PRSS36: variants seen among roughly 807,000 people sequenced by gnomAD.
PRSS36 encodes the protein serine protease 36, also known as polyserase-2.
PRSS36 carries 90 observed loss-of-function variants against 94.3 expected under a neutral mutation model. The ratio of observed to expected loss-of-function variants is 0.95; its 90% CI spans 0.80 to 1.14. The LOEUF is 1.14. PRSS36 is among the 50% of genes most tolerant of loss of function. The probability of loss-of-function intolerance (pLI) is 0.00; values close to 1 mark genes in which losing one functional copy is unlikely to be tolerated. For synonymous variants in PRSS36, 500 were observed against 489.6 expected (o/e 1.02, Z -0.28); for missense variants, 1,158 against 1,135.0 (o/e 1.02, Z -0.29).
chr16:31,140,035 C>CA (rs1161626897), intron 14 of PRSS36, among the ~76,000 whole-genome samples: 2 of 148,714 alleles, frequency 1.3e-5, no homozygotes, highest in South Asian at 2.1e-4. Context: ...ACTAAAAATA[C>CA]AAAAAATTAG....
chr16:31,145,970 A>G lies in PRSS36; in HGVS notation c.554-15T>C. 6.2e-7 allele frequency: 1 copy of G among 1,604,210 alleles called. No individual in the cohort carries two copies. The highest frequency in any genetic ancestry group is 8.5e-7 in the Non-Finnish European group (1 of 1,175,326). On this transcript the variant is annotated splice_polypyrimidine_tract_variant and intron_variant, in intron 5 of 14. Transcript: ENST00000268281. The stretch of plus-strand genomic sequence containing the variant: ...AGGCAGAGGATCTGGAGGCAGAACC[A>G]GAGAGCAGGTGCTGTGAGGCAGGTA...
chr16:31,148,349 A>G, intron 5 of PRSS36, 46 bp downstream of exon 5: 1 of 1,486,974 alleles, frequency 6.7e-7, no homozygotes, highest in Non-Finnish European at 8.9e-7. Context: ...CACCTCTCGA[A>G]GCCCCACCTC....
chr16:31,142,408 C>G lies in PRSS36; in HGVS notation c.1521+73G>C, dbSNP rs556149202. On this transcript the variant is annotated intron_variant, in intron 10 of 14. Coordinates refer to ENST00000268281, the MANE Select transcript of PRSS36 (RefSeq NM_173502.5). ...CTCCCTAGAGCCCACTTGGACTCGC[C>G]TTCCACAGGCCCCGCCCTCTTCCTA... 7 of 1,386,220 alleles carry G rather than the reference C, an allele frequency of 5.0e-6. 1 individual carries two copies. In the South Asian group the frequency reaches 6.4e-5, roughly 13 times the overall value. 85.9% of individuals were successfully genotyped at this position (1,386,220 alleles called of 1,614,324 possible).
At chr16:31,148,927 T>C (rs1422266309) in intron 4 of PRSS36, 146 bp downstream of exon 4, 1 of 1,037,102 alleles carries the variant, frequency 9.6e-7, no homozygotes, top group African/African-American at 1.6e-5. Context: ...CTCGGAACCA[T>C]GATGCCTCGA....
At chr16:31,148,020 G>A (rs1266940249) in intron 5 of PRSS36, among the ~76,000 whole-genome samples, 1 of 152,152 alleles carries the variant, frequency 6.6e-6, no homozygotes, top group African/African-American at 2.4e-5. Flanking sequence ...ACCACCCCTT[G>A]AAGTGGGTAT....
At position 31,143,083 on chromosome 16, in the gene PRSS36, C is replaced by T. The variant is rs1005948390; in HGVS notation, c.1101-90G>A. On this transcript the variant is annotated intron_variant, in intron 8 of 14. Coordinates refer to ENST00000268281, the MANE Select transcript of PRSS36 (RefSeq NM_173502.5). ...CGGCTTAGACTTGCCAGGCGAGGATCCTGCATCCTGGCGGGATCCCCACGA... is the reference window on the plus strand; with the variant it reads ...CGGCTTAGACTTGCCAGGCGAGGATTCTGCATCCTGGCGGGATCCCCACGA... The T allele has an allele frequency of 5.8e-6, 8 of 1,382,418 alleles. No individual in the cohort carries two copies. The African/African-American group carries it at 1.0e-4, about 18-fold the overall frequency. The allele number at this position is 1,382,418 out of a possible 1,614,324, so 85.6% of individuals were successfully genotyped here. A position where few individuals can be genotyped will look rare whatever the true frequency, so the allele number is the denominator to read the frequency against.
intron 8 of PRSS36, 101 bp downstream of exon 8, chr16:31,143,241 G>A: frequency 1.4e-6 from 2 of 1,478,294 alleles, no homozygotes; most frequent in Non-Finnish European, 1.8e-6. Flanking sequence ...ATGGGACCCC[G>A]CCCCCCCCAC....
rs552399379 is a variant in PRSS36 at position 31,142,990 on chromosome 16, C to T, written c.1104G>A (p.Pro368=). 28 of 1,389,562 alleles carry T rather than the reference C, an allele frequency of 2.0e-5. No individual in the cohort carries two copies. The highest frequency in any genetic ancestry group is 2.5e-5 in the Non-Finnish European group (27 of 1,076,300). The allele number at this position is 1,389,562 out of a possible 1,614,324, so 86.1% of individuals were successfully genotyped here. A position where few individuals can be genotyped will look rare whatever the true frequency, so the allele number is the denominator to read the frequency against. ...CGCGGGGTGGGCTGTCGGAGCTGTT[C>T]GGGCTGCGGGATGGGGGCCGAGGGA... ...VLAPASCFLD[P]NSSDSPPRDL... The change falls in exon 9 of 15, where the codon CCG becomes CCA. Residue 368 remains proline, a synonymous_variant. Coordinates refer to ENST00000268281, the MANE Select transcript of PRSS36 (RefSeq NM_173502.5).
At chr16:31,143,981 G>A (rs2057759714) in intron 6 of PRSS36, 144 bp from the exon 7 acceptor site, 1 of 1,047,666 alleles carries the variant, frequency 9.5e-7, no homozygotes, top group Non-Finnish European at 1.4e-6. Flanking sequence ...TGCATTCCCT[G>A]CGGCTCTAAA....
chr16:31,145,106 A>G (rs926376489), intron 6 of PRSS36, among the ~76,000 whole-genome samples: 5 of 151,526 alleles, frequency 3.3e-5, no homozygotes, highest in African/African-American at 7.3e-5. Context: ...GCGGTGGCTC[A>G]CTCCTGTAAT....
At position 31,148,489 on chromosome 16, in the gene PRSS36, G is replaced by A. The variant is rs561935518; in HGVS notation, c.459C>T (p.Pro153=). Residue 153 remains proline (P), a synonymous_variant, in exon 5 of 15, where the codon CCC becomes CCT. Coordinates refer to ENST00000268281, the MANE Select transcript of PRSS36 (RefSeq NM_173502.5). ...GGGGCAGGCAGACAGGCCACACGGC[G>A]GGGCCCAGGCTGGCGGGTGAGGCCA... ...LRLASPASLG[P]AVWPVCLPRA... The A allele has an allele frequency of 4.4e-6, 7 of 1,578,836 alleles. No individual in the cohort carries two copies. The highest frequency in any genetic ancestry group is 3.4e-5 in the South Asian group (3 of 88,818).
chr16:31,139,032 G>A lies in PRSS36; in HGVS notation c.*106C>T, dbSNP rs2057635658. 3.8e-6 allele frequency: 5 copies of A among 1,324,502 alleles called. No individual in the cohort carries two copies. The highest frequency in any genetic ancestry group is 1.5e-5 in the South Asian group (1 of 68,052). 82.0% of individuals were successfully genotyped at this position (1,324,502 alleles called of 1,614,324 possible). A position where few individuals can be genotyped will look rare whatever the true frequency, so the allele number is the denominator to read the frequency against. ...AATTAGCCAGAGCCGCTGCAATCTCGGTGGGTGGGGCCCTTGAGGTTCCAG... is the reference window on the plus strand; with the variant it reads ...AATTAGCCAGAGCCGCTGCAATCTCAGTGGGTGGGGCCCTTGAGGTTCCAG... On this transcript the variant is annotated 3_prime_UTR_variant, in exon 15 of 15. Coordinates refer to ENST00000268281, the MANE Select transcript of PRSS36 (RefSeq NM_173502.5).
chr16:31,144,505 A>G (rs1254336196), intron 6 of PRSS36, among the ~76,000 whole-genome samples: 1 of 152,074 alleles, frequency 6.6e-6, no homozygotes, highest in African/African-American at 2.4e-5. Context: ...ATGAGGTATC[A>G]CTATGTTGCT....
At chr16:31,141,410 C>T (rs2057686142) in intron 12 of PRSS36, 59 bp downstream of exon 12, 1 of 1,329,650 alleles carries the variant, frequency 7.5e-7, no homozygotes, top group African/African-American at 1.5e-5. Context: ...AAAAACAAGT[C>T]TTTGGCTCTG....
At chr16:31,148,182 G>A (rs1035983575) in intron 5 of PRSS36, among the ~76,000 whole-genome samples, 6 of 152,158 alleles carry the variant, frequency 3.9e-5, no homozygotes, top group African/African-American at 7.2e-5. Context: ...GTGCGTGTGG[G>A]TGATTCCGTG....
rs756310711 is a variant in PRSS36, at chr16:31,149,518, G to C, written c.74-20C>G. 2 of 1,614,106 alleles carry C rather than the reference G, an allele frequency of 1.2e-6. No homozygotes were observed. The highest frequency in any genetic ancestry group is 1.7e-6 in the Non-Finnish European group (2 of 1,179,986). The stretch of plus-strand genomic sequence containing the variant: ...TGAGAGCTGGGAGCCAGAGGGGAAA[G>C]AGAGGAGGACACTTGTGACTTCCAG... On this transcript the variant is annotated intron_variant, in intron 2 of 14. Transcript: ENST00000268281.
intron 5 of PRSS36, 21 bp downstream of exon 5, chr16:31,148,374 C>T (rs777060253): frequency 7.8e-6 from 12 of 1,541,996 alleles, no homozygotes; most frequent in African/African-American, 1.4e-5. Context: ...AGGCCCTCCC[C>T]TCTTGTCCCG....
chr16:31,149,541 C>T (rs757235065), intron 2 of PRSS36, 43 bp from the exon 3 acceptor site: 24 of 1,612,704 alleles, frequency 1.5e-5, no homozygotes, highest in Admixed American at 6.7e-5. Flanking sequence ...TTGTGACTTC[C>T]AGGCCTGCAC....
At position 31,143,396 on chromosome 16, in the gene PRSS36, T is replaced by C. The variant is rs1183694283; in HGVS notation, c.1046A>G (p.His349Arg). Reference sequence around the variant, plus strand: ...CCAGCTTTCAGACACCAGCGCCCCATGGCAGGGTCTGGATCCTGGCACCAT... The same window carrying C: ...CCAGCTTTCAGACACCAGCGCCCCACGGCAGGGTCTGGATCCTGGCACCAT... ...QVMVPGSRPC[H>R]GALVSESWVL... Residue 349 changes from histidine (H) to arginine (R), a missense_variant, in exon 8 of 15, where the codon CAT becomes CGT. His to Arg is a conservative substitution (Grantham distance 29). Transcript: ENST00000268281. 1.2e-6 allele frequency: 2 copies of C among 1,612,778 alleles called. No individual in the cohort carries two copies. The highest frequency in any genetic ancestry group is 2.2e-5 in the East Asian group (1 of 44,858).
Sources: gnomAD v4.1 joint callset for allele counts (sites outside exome capture counted in the v4.1 genomes callset) on GRCh38, gnomAD v4.1.1 for gene constraint, MANE v1.5 for transcripts, NCBI Gene and HGNC (gene_info 2026-07-23, HGNC 2026-07-21) for gene names.